Variants in DMD observed in about 807,000 individuals in gnomAD.
The protein encoded by DMD is dystrophin.
A neutral mutation model predicts 330.1 loss-of-function variants in DMD; 63 were observed. The observed-to-expected ratio is 0.19, with a 90% confidence interval of 0.16 to 0.24. DMD has a LOEUF of 0.24. DMD is among the 10% of genes least tolerant of loss of function. The pLI, the probability that DMD is intolerant of heterozygous loss-of-function variation, is 1.00. For synonymous variants in DMD, 1,223 were observed against 959.8 expected (o/e 1.27, Z -5.07); for missense variants, 3,344 against 2,684.1 (o/e 1.25, Z -5.43).
chrX:31,306,927 T>G lies in DMD; in HGVS notation c.9224+16671A>C, dbSNP rs190388770. Among the ~76,000 whole-genome samples the G allele has an allele frequency of 7.0e-3, 783 of 111,343 alleles. 13 individuals carry two copies. Among genetic ancestry groups the G allele is most frequent in the African/African-American group, 0.024 (743 of 30,648 alleles). ...TCTGTTCTTATTCAGTCTTTTTAAT[T>G]TAAAATATTTTATATTTATGTTGCT... On this transcript the variant is annotated intron_variant, in intron 62 of 78. Coordinates refer to ENST00000357033, the MANE Select transcript of DMD (RefSeq NM_004006.3).
At chrX:33,325,757 G>A (rs2054080249) in intron 1 of DMD, among the ~76,000 whole-genome samples, 1 of 112,138 alleles carries the variant, frequency 8.9e-6, no homozygotes, top group African/African-American at 3.2e-5. Context: ...TGGGTGATTG[G>A]TGAACTCCAT....
rs1377335071 is a variant in DMD, at chrX:31,897,369, G to A, written c.6913-21996C>T. On this transcript the variant is annotated intron_variant, in intron 47 of 78. Coordinates refer to ENST00000357033, the MANE Select transcript of DMD (RefSeq NM_004006.3). Reference sequence around the variant, plus strand: ...CCAAGTCTTTGCTATTGTGAATAGCGCCGCAATAAACATACGTGTGCATGT... The same window carrying A: ...CCAAGTCTTTGCTATTGTGAATAGCACCGCAATAAACATACGTGTGCATGT... Among the ~76,000 whole-genome samples the A allele has an allele frequency of 3.2e-4, 35 of 107,715 alleles. No individual in the cohort carries two copies. The South Asian group carries it at 4.1e-3, about 13-fold the overall frequency. 93.5% of individuals were successfully genotyped at this position (107,715 alleles called of 115,157 possible). A position where few individuals can be genotyped will look rare whatever the true frequency, so the allele number is the denominator to read the frequency against.
intron 9 of DMD, among the ~76,000 whole-genome samples, chrX:32,681,570 T>C (rs901055134): frequency 2.7e-5 from 3 of 111,799 alleles, no homozygotes; most frequent in Non-Finnish European, 3.8e-5. Context: ...CTGAACAATA[T>C]ATTAGATTCA....
chrX:32,870,958 CAAAAAAAAAAAAA>C (rs745583714), intron 2 of DMD, among the ~76,000 whole-genome samples: 577 of 14,778 alleles, frequency 0.039, 20 homozygotes, highest in African/African-American at 0.14. Flanking sequence ...TTCTGTACAG[CAAAAAAAAAAAAA>C]AAAAAAAAAA....
chrX:31,451,367 C>G (rs1750516776), intron 59 of DMD, among the ~76,000 whole-genome samples: 1 of 101,549 alleles, frequency 9.8e-6, no homozygotes, highest in African/African-American at 3.6e-5. Context: ...ACTGCAACTT[C>G]TACCTCCTGG....
intron 47 of DMD, among the ~76,000 whole-genome samples, chrX:31,894,563 C>T (rs754143578): frequency 2.7e-5 from 3 of 111,867 alleles, no homozygotes; most frequent in Non-Finnish European, 5.6e-5. Context: ...AGTTTTGGGG[C>T]ATCTTTATAA....
chrX:32,122,784 C>A (rs1220881655), intron 44 of DMD, among the ~76,000 whole-genome samples: 1 of 111,002 alleles, frequency 9.0e-6, no homozygotes, highest in Non-Finnish European at 1.9e-5. Flanking sequence ...ACAAATGAGG[C>A]AAAACTACTC....
At chrX:31,885,216 A>G (rs1005940944) in intron 47 of DMD, among the ~76,000 whole-genome samples, 18 of 111,733 alleles carry the variant, frequency 1.6e-4, no homozygotes, top group African/African-American at 4.9e-4. Flanking sequence ...ACTAGTAAGT[A>G]ACAAAGATGG....
intron 44 of DMD, among the ~76,000 whole-genome samples, chrX:32,063,676 T>C (rs1003745041): frequency 1.3e-4 from 15 of 111,191 alleles, no homozygotes; most frequent in Non-Finnish European, 2.5e-4. Context: ...TGGATAAGTG[T>C]CGATTTCTTT....
chrX:32,386,015 A>G (rs2097955471), intron 33 of DMD, among the ~76,000 whole-genome samples: 1 of 110,144 alleles, frequency 9.1e-6, no homozygotes, highest in Admixed American at 9.7e-5. Flanking sequence ...TGGACCAGGA[A>G]AAACCTCCCT....
intron 60 of DMD, among the ~76,000 whole-genome samples, chrX:31,385,519 TA>T (rs751967154): frequency 3.3e-4 from 37 of 112,288 alleles, no homozygotes; most frequent in African/African-American, 9.0e-4. Flanking sequence ...ATTGTTGCTT[TA>T]AAAAAAATTC....
chrX:32,255,571 T>C (rs2097295173), intron 43 of DMD, among the ~76,000 whole-genome samples: 1 of 112,069 alleles, frequency 8.9e-6, no homozygotes, highest in Admixed American at 9.5e-5. Context: ...GCAGTAGCAA[T>C]TCCTTGGTTT....
chrX:32,697,274 T>A (rs1450254085), intron 9 of DMD, among the ~76,000 whole-genome samples: 1 of 111,721 alleles, frequency 9.0e-6, no homozygotes. Context: ...TAGAAAGTAC[T>A]AAACATTGCC....
At chrX:32,963,468 T>C (rs769728623) in intron 2 of DMD, among the ~76,000 whole-genome samples, 28 of 112,170 alleles carry the variant, frequency 2.5e-4, no homozygotes, top group Middle Eastern at 4.2e-3. Context: ...TCTGGTCAGA[T>C]TGAAAATGTG....
intron 44 of DMD, among the ~76,000 whole-genome samples, chrX:32,043,722 T>C (rs2096031459): frequency 8.9e-6 from 1 of 111,804 alleles, no homozygotes; most frequent in East Asian, 2.8e-4. Context: ...TTAACTCCCA[T>C]AGGTTATACT....
chrX:32,523,894 T>C (rs2046678898), intron 17 of DMD, among the ~76,000 whole-genome samples: 1 of 110,917 alleles, frequency 9.0e-6, no homozygotes, highest in African/African-American at 3.3e-5. Context: ...TTGTTTGTTT[T>C]TAGTTTGAAA....
intron 2 of DMD, among the ~76,000 whole-genome samples, chrX:33,004,885 T>A (rs1215200238): frequency 9.0e-6 from 1 of 111,311 alleles, no homozygotes; most frequent in Admixed American, 9.6e-5. Context: ...TGCAAATGGG[T>A]GTGCACCATC....
intron 60 of DMD, among the ~76,000 whole-genome samples, chrX:31,404,445 T>C (rs1038310254): frequency 9.0e-6 from 1 of 111,150 alleles, no homozygotes; most frequent in Non-Finnish European, 1.9e-5. Flanking sequence ...CATTTCTTTA[T>C]TAGTCAATAT....
chrX:32,513,708 A>T (rs2045572236), intron 18 of DMD, among the ~76,000 whole-genome samples: 1 of 111,954 alleles, frequency 8.9e-6, no homozygotes, highest in African/African-American at 3.2e-5. Context: ...TTAGGCAGTC[A>T]GATATATCAC....
Sources: allele counts gnomAD v4.1 joint callset (sites outside exome capture counted in the v4.1 genomes callset), GRCh38; gene constraint gnomAD v4.1.1; transcripts MANE v1.5; gene names NCBI Gene and HGNC (gene_info 2026-07-23, HGNC 2026-07-21).